The following RDH11 variants were observed in gnomAD, a reference collection of about 807,000 sequenced individuals.
The protein encoded by RDH11 is retinol dehydrogenase 11.
A neutral mutation model predicts 33.4 loss-of-function variants in RDH11; 19 were observed. The observed-to-expected ratio is 0.57, with a 90% CI of 0.40 to 0.83. RDH11 has a LOEUF of 0.83. Among genes scored for constraint, RDH11 ranks in the 40% least tolerant of loss-of-function variants. The pLI, the probability that RDH11 is intolerant of heterozygous loss-of-function variation, is 0.00. For synonymous variants in RDH11, 154 were observed against 155.3 expected, an observed-to-expected ratio of 0.99 and a Z score of 0.06; for missense variants, 353 against 389.0, an observed-to-expected ratio of 0.91 and a Z score of 0.78.
At chr14:67,679,716 T>A (rs1232365382) in intron 6 of RDH11, among the ~76,000 whole-genome samples, 1 of 152,208 alleles carries the variant, frequency 6.6e-6, no homozygotes, top group Non-Finnish European at 1.5e-5. Flanking sequence ...TAATTCCAAG[T>A]TTTATAATTT....
intron 1 of RDH11, among the ~76,000 whole-genome samples, chr14:67,694,288 T>C (rs74601746): frequency 5.3e-5 from 8 of 152,250 alleles, no homozygotes; most frequent in Middle Eastern, 3.4e-3. Context: ...CCTTACTGTA[T>C]GTAGCTCCAG....
intron 5 of RDH11, among the ~76,000 whole-genome samples, chr14:67,687,199 T>C (rs945129596): frequency 6.6e-6 from 1 of 152,212 alleles, no homozygotes; most frequent in African/African-American, 2.4e-5. Context: ...CCTCTGCTGA[T>C]GAAATCAACT....
intron 1 of RDH11, among the ~76,000 whole-genome samples, chr14:67,693,797 T>C (rs2037786482): frequency 6.6e-6 from 1 of 151,890 alleles, no homozygotes; most frequent in South Asian, 2.1e-4. Context: ...CCCTCACCCA[T>C]GCGCCACCAC....
intron 6 of RDH11, among the ~76,000 whole-genome samples, chr14:67,684,080 A>ACT (rs1217378737): frequency 2.6e-5 from 4 of 151,484 alleles, no homozygotes; most frequent in African/African-American, 7.3e-5. Flanking sequence ...ACTTTCTGAA[A>ACT]CTCTCTCTCT....
intron 5 of RDH11, among the ~76,000 whole-genome samples, chr14:67,688,419 T>C (rs1266414633): frequency 1.3e-5 from 2 of 152,258 alleles, no homozygotes; most frequent in Middle Eastern, 3.4e-3. Context: ...AGATACTGTG[T>C]TGGAGTTTCA....
chr14:67,686,638 C>CA (rs34363764), intron 5 of RDH11, among the ~76,000 whole-genome samples: 34 of 80,170 alleles, frequency 4.2e-4, no homozygotes, highest in East Asian at 3.1e-3. Flanking sequence ...GACACCGGTG[C>CA]AAAAAAAAAA....
At chr14:67,690,698 G>A (rs938532325) in intron 4 of RDH11, 1 of 437,270 alleles carries the variant, frequency 2.3e-6, no homozygotes, top group Non-Finnish European at 4.2e-6. Context: ...CTTAAGAGCT[G>A]GTTGGCTGGG....
chr14:67,690,910 A>T, intron 4 of RDH11: 1 of 533,718 alleles, frequency 1.9e-6, no homozygotes. Context: ...TAGTCTGTTA[A>T]AAAATGCGCC....
intron 6 of RDH11, among the ~76,000 whole-genome samples, chr14:67,680,467 T>C (rs1009962474): frequency 7.2e-5 from 11 of 152,130 alleles, no homozygotes; most frequent in African/African-American, 2.7e-4. Context: ...CAGCAAGAGC[T>C]TTCTGGTTGT....
At chr14:67,682,077 G>A (rs770981641) in intron 6 of RDH11, among the ~76,000 whole-genome samples, 1 of 152,210 alleles carries the variant, frequency 6.6e-6, no homozygotes, top group South Asian at 2.1e-4. Context: ...CAGGCACCAT[G>A]TTCTTAGACT....
chr14:67,687,996 C>T (rs1188672637), intron 5 of RDH11, among the ~76,000 whole-genome samples: 1 of 152,118 alleles, frequency 6.6e-6, no homozygotes. Context: ...TGTTCTCGAA[C>T]TCCTGACCTC....
intron 5 of RDH11, among the ~76,000 whole-genome samples, chr14:67,686,517 T>C (rs909429431): frequency 6.6e-6 from 1 of 151,774 alleles, no homozygotes; most frequent in Non-Finnish European, 1.5e-5. Context: ...CGTGCACCTG[T>C]AATCCCAGCT....
At chr14:67,684,473 G>C (rs931277626) in intron 6 of RDH11, 2 of 152,116 alleles carry the variant, frequency 1.3e-5, no homozygotes, top group Non-Finnish European at 2.9e-5. Flanking sequence ...ATCTAACCCT[G>C]TGTTATATTC....
intron 1 of RDH11, among the ~76,000 whole-genome samples, chr14:67,694,801 T>C (rs1452255430): frequency 1.3e-5 from 2 of 152,162 alleles, no homozygotes; most frequent in African/African-American, 4.8e-5. Flanking sequence ...GACTGTGATC[T>C]GGCCTGGCTT....
intron 3 of RDH11, 164 bp downstream of exon 3, chr14:67,692,274 C>T: frequency 2.9e-6 from 2 of 695,494 alleles, no homozygotes; most frequent in East Asian, 2.7e-5. Flanking sequence ...GGAAGATATC[C>T]CTTTGACATA....
rs2037548662 is a variant in RDH11, at chr14:67,677,106, T to C, written c.*1215A>G. 6.6e-6 allele frequency: 1 copy of C among 152,114 alleles called. No homozygotes were observed. Among genetic ancestry groups the C allele is most frequent in the Admixed American group, 6.5e-5 (1 of 15,272 alleles). The allele number at this position is 152,114 out of a possible 1,614,324, so 9.4% of individuals were successfully genotyped here. A position where few individuals can be genotyped will look rare whatever the true frequency, so the allele number is the denominator to read the frequency against. ...AAAATATAATTGTCATTCCAGGAAA[T>C]CAAAATCTTTTAGAATAGCACACTC... On this transcript the variant is annotated 3_prime_UTR_variant, in exon 7 of 7. Transcript: ENST00000381346.
chr14:67,693,427 C>T (rs2037780240), intron 1 of RDH11, among the ~76,000 whole-genome samples: 1 of 151,960 alleles, frequency 6.6e-6, no homozygotes. Context: ...AATCTGTCCA[C>T]AACTGGCATT....
chr14:67,690,452 C>A, intron 4 of RDH11, 31 bp from the exon 5 acceptor site: 1 of 1,593,704 alleles, frequency 6.3e-7, no homozygotes, highest in South Asian at 1.1e-5. Flanking sequence ...TAATGAAGTT[C>A]AGGGCCATGT....
intron 5 of RDH11, among the ~76,000 whole-genome samples, chr14:67,688,065 G>A (rs1433080767): frequency 6.6e-6 from 1 of 151,854 alleles, no homozygotes; most frequent in African/African-American, 2.4e-5. Context: ...GAGCCACCGC[G>A]CCCGGCCTCA....
Sources: allele counts gnomAD v4.1 joint callset (sites outside exome capture counted in the v4.1 genomes callset), GRCh38; gene constraint gnomAD v4.1.1; transcripts MANE v1.5; gene names NCBI Gene and HGNC (gene_info 2026-07-23, HGNC 2026-07-21).